MTMR7: variants seen among roughly 807,000 people sequenced by gnomAD.
MTMR7 encodes the protein myotubularin related protein 7.
In MTMR7, 76 loss-of-function variants were observed where a neutral mutation model predicts 81.2. The observed-to-expected ratio is 0.94, with a 90% CI of 0.78 to 1.13. The LOEUF (loss-of-function observed/expected upper bound fraction) is 1.13. MTMR7 is among the 50% of genes most tolerant of loss of function. The probability of loss-of-function intolerance (pLI) is 0.00; values close to 1 mark genes in which losing one functional copy is unlikely to be tolerated. For synonymous variants in MTMR7, 372 were observed against 289.8 expected (o/e 1.28, Z -2.88); for missense variants, 1,044 against 820.0 (o/e 1.27, Z -3.34).
At chr8:17,364,955 G>A (rs1261922875) in intron 3 of MTMR7, among the ~76,000 whole-genome samples, 1 of 152,194 alleles carries the variant, frequency 6.6e-6, no homozygotes, top group South Asian at 2.1e-4. Flanking sequence ...GGAATCATAC[G>A]ATAATTCTAT....
intron 6 of MTMR7, among the ~76,000 whole-genome samples, chr8:17,339,735 AG>A (rs1448758099): frequency 6.6e-6 from 1 of 152,234 alleles, no homozygotes; most frequent in Non-Finnish European, 1.5e-5. Flanking sequence ...TGTGGACATA[AG>A]TTTTCATTTC....
intron 4 of MTMR7, among the ~76,000 whole-genome samples, chr8:17,357,421 A>G (rs912791915): frequency 2.0e-5 from 3 of 152,236 alleles, no homozygotes; most frequent in East Asian, 1.9e-4. Context: ...TATATACAGC[A>G]TATGCAGACC....
At chr8:17,329,572 G>A (rs1388278003) in intron 7 of MTMR7, among the ~76,000 whole-genome samples, 1 of 152,138 alleles carries the variant, frequency 6.6e-6, no homozygotes, top group Admixed American at 6.5e-5. Context: ...TATCAGCACT[G>A]GTAGGAGCAA....
At chr8:17,379,896 T>A (rs200138551) in intron 1 of MTMR7, among the ~76,000 whole-genome samples, 1 of 152,296 alleles carries the variant, frequency 6.6e-6, no homozygotes, top group East Asian at 1.9e-4. Flanking sequence ...CACCGTTTCA[T>A]TGCAGTATCA....
chr8:17,299,824 C>CT lies in MTMR7; in HGVS notation c.*37dup, dbSNP rs1343626926. ...TGTTCCCTTGTTTTTGGAAGTGTTG[C>CT]TTATGTGTCCTTTACTTTGGAACTC... On this transcript the variant is annotated 3_prime_UTR_variant, in exon 14 of 14. Transcript: ENST00000180173. 6.2e-7 allele frequency: 1 copy of CT among 1,604,870 alleles called. No individual in the cohort carries two copies. Among genetic ancestry groups the CT allele is most frequent in the African/African-American group, 1.3e-5 (1 of 74,598 alleles).
chr8:17,383,090 T>C (rs1585110668), intron 1 of MTMR7, among the ~76,000 whole-genome samples: 3 of 149,364 alleles, frequency 2.0e-5, no homozygotes, highest in African/African-American at 7.4e-5. Context: ...ACCTGGGGGG[T>C]GTGGAAGGTC....
At chr8:17,324,059 GCTTTGA>G (rs1286046474) in intron 7 of MTMR7, among the ~76,000 whole-genome samples, 1 of 152,186 alleles carries the variant, frequency 6.6e-6, no homozygotes, top group Non-Finnish European at 1.5e-5. Context: ...AAACGCTTTG[GCTTTGA>G]CATCCAGTTA....
chr8:17,395,587 T>A (rs116167686), intron 1 of MTMR7, among the ~76,000 whole-genome samples: 1 of 152,192 alleles, frequency 6.6e-6, no homozygotes, highest in Admixed American at 6.5e-5. Context: ...CACTTGTTGT[T>A]TTCTTTCTTT....
chr8:17,313,809 T>A (rs755556412), intron 7 of MTMR7, among the ~76,000 whole-genome samples: 2 of 152,174 alleles, frequency 1.3e-5, no homozygotes, highest in Admixed American at 6.5e-5. Flanking sequence ...CCTACCCACT[T>A]AGAAGTTTCT....
intron 4 of MTMR7, among the ~76,000 whole-genome samples, chr8:17,359,434 C>A (rs1819995560): frequency 6.6e-6 from 1 of 151,820 alleles, no homozygotes; most frequent in African/African-American, 2.4e-5. Context: ...CTTATTCCTA[C>A]AAAAACTTTG....
intron 4 of MTMR7, among the ~76,000 whole-genome samples, chr8:17,358,759 A>T (rs1204481881): frequency 6.6e-6 from 1 of 152,194 alleles, no homozygotes; most frequent in African/African-American, 2.4e-5. Context: ...TAAAACAATT[A>T]GGCCCTTTAT....
At chr8:17,412,960 G>C (rs1454606307) in intron 1 of MTMR7, among the ~76,000 whole-genome samples, 3 of 145,228 alleles carry the variant, frequency 2.1e-5, no homozygotes, top group Non-Finnish European at 3.1e-5. Flanking sequence ...GGAGAAAGAA[G>C]GGTTGATCTA....
intron 1 of MTMR7, among the ~76,000 whole-genome samples, chr8:17,379,366 GAGCCACGTT>G (rs1332948062): frequency 3.1e-4 from 47 of 152,296 alleles, no homozygotes; most frequent in Non-Finnish European, 4.4e-5. Context: ...GGAGCAGCAA[GAGCCACGTT>G]AGCTTTTCAG....
At chr8:17,401,175 G>A (rs894832989) in intron 1 of MTMR7, among the ~76,000 whole-genome samples, 1 of 152,074 alleles carries the variant, frequency 6.6e-6, no homozygotes, top group African/African-American at 2.4e-5. Flanking sequence ...ATATAAAGAG[G>A]TAAAGTATGT....
intron 1 of MTMR7, among the ~76,000 whole-genome samples, chr8:17,407,448 A>C (rs1023884450): frequency 2.0e-5 from 3 of 152,176 alleles, no homozygotes; most frequent in Admixed American, 6.5e-5. Context: ...CAACTATAAA[A>C]CTATTCATCT....
intron 5 of MTMR7, among the ~76,000 whole-genome samples, chr8:17,343,718 G>C (rs553016025): frequency 1.3e-5 from 2 of 152,218 alleles, no homozygotes; most frequent in Admixed American, 1.3e-4. Flanking sequence ...ATATTAAACA[G>C]ACTACATTTT....
chr8:17,365,972 T>C (rs888773577), intron 3 of MTMR7, among the ~76,000 whole-genome samples: 2 of 152,318 alleles, frequency 1.3e-5, no homozygotes, highest in East Asian at 3.9e-4. Flanking sequence ...GATCTTATTC[T>C]AGCACCGGTG....
chr8:17,370,002 C>A (rs1820363933), intron 3 of MTMR7, among the ~76,000 whole-genome samples: 1 of 151,968 alleles, frequency 6.6e-6, no homozygotes, highest in Non-Finnish European at 1.5e-5. Flanking sequence ...CACAGAGAGG[C>A]AAGAAACACT....
At chr8:17,358,712 A>G (rs1421010691) in intron 4 of MTMR7, among the ~76,000 whole-genome samples, 1 of 152,182 alleles carries the variant, frequency 6.6e-6, no homozygotes, top group African/African-American at 2.4e-5. Context: ...TACTGATCAA[A>G]AACAAAAACA....
Sources: gnomAD v4.1 joint callset for allele counts (sites outside exome capture counted in the v4.1 genomes callset) on GRCh38, gnomAD v4.1.1 for gene constraint, MANE v1.5 for transcripts, NCBI Gene and HGNC (gene_info 2026-07-23, HGNC 2026-07-21) for gene names.